The following ABI1 variants were observed in gnomAD, a reference collection of about 807,000 sequenced individuals.
The protein encoded by ABI1 is Abelson interactor 1.
In ABI1, 14 loss-of-function variants were observed where a neutral mutation model predicts 54.6. The observed-to-expected ratio is 0.26, with a 90% CI of 0.17 to 0.40. The LOEUF is 0.40. ABI1 is among the 10% of genes least tolerant of loss of function. ABI1 has a pLI of 1.00. For missense variants in ABI1, 443 were observed against 598.3 expected (o/e 0.74, Z 2.71); for synonymous variants, 194 against 209.3 (o/e 0.93, Z 0.63).
At chr10:26,799,557 C>A (rs11015292) in intron 2 of ABI1, among the ~76,000 whole-genome samples, 1 of 152,262 alleles carries the variant, frequency 6.6e-6, no homozygotes, top group Non-Finnish European at 1.5e-5. Flanking sequence ...GGGAAAAAAT[C>A]TAAAAATAGG....
At chr10:26,750,769 T>A (rs1470957731) in intron 10 of ABI1, among the ~76,000 whole-genome samples, 1 of 152,172 alleles carries the variant, frequency 6.6e-6, no homozygotes, top group Non-Finnish European at 1.5e-5. Flanking sequence ...AGCACAGAAC[T>A]GGATGAAAAA....
intron 1 of ABI1, among the ~76,000 whole-genome samples, chr10:26,837,838 T>C (rs113812530): frequency 0.23 from 33,211 of 142,316 alleles, 4,554 homozygotes; most frequent in South Asian, 0.41. Flanking sequence ...TGGTCTCAAA[T>C]TCCAGGCCTC....
chr10:26,775,423 T>C (rs1376069073), intron 3 of ABI1, among the ~76,000 whole-genome samples: 1 of 152,026 alleles, frequency 6.6e-6, no homozygotes, highest in Non-Finnish European at 1.5e-5. Flanking sequence ...GTCACAGAAC[T>C]ATACACCTAA....
At chr10:26,770,104 T>C (rs918252548) in intron 5 of ABI1, 141 bp downstream of exon 5, 9 of 643,208 alleles carry the variant, frequency 1.4e-5, no homozygotes, top group Admixed American at 8.4e-5. Flanking sequence ...TTCAGGAAAA[T>C]AGGAATTAAA....
chr10:26,833,831 C>G (rs1290594510), intron 1 of ABI1, among the ~76,000 whole-genome samples: 1 of 151,638 alleles, frequency 6.6e-6, no homozygotes, highest in Admixed American at 6.6e-5. Context: ...CATAAATGGC[C>G]AAATGCAAAA....
chr10:26,849,519 T>C (rs984327504), intron 1 of ABI1, among the ~76,000 whole-genome samples: 1 of 152,190 alleles, frequency 6.6e-6, no homozygotes, highest in Non-Finnish European at 1.5e-5. Context: ...GTGCAGTTTA[T>C]TTGCAAGCTG....
At chr10:26,762,516 G>T (rs753449604) in intron 7 of ABI1, among the ~76,000 whole-genome samples, 123 of 152,232 alleles carry the variant, frequency 8.1e-4, no homozygotes, top group Admixed American at 2.0e-3. Flanking sequence ...TCCACTCTTA[G>T]ACAACCCCAA....
chr10:26,775,461 T>A (rs1342437312), intron 3 of ABI1, among the ~76,000 whole-genome samples: 1 of 151,988 alleles, frequency 6.6e-6, no homozygotes, highest in Non-Finnish European at 1.5e-5. Flanking sequence ...ATGTTATGTG[T>A]ATCTCACCAC....
intron 1 of ABI1, among the ~76,000 whole-genome samples, chr10:26,826,806 T>C (rs879500139): frequency 2.6e-5 from 4 of 152,248 alleles, no homozygotes; most frequent in Non-Finnish European, 5.9e-5. Flanking sequence ...CAACTTTTCT[T>C]CTATAGCTTT....
chr10:26,856,759 T>C (rs2050851052), intron 1 of ABI1, among the ~76,000 whole-genome samples: 1 of 152,190 alleles, frequency 6.6e-6, no homozygotes, highest in Non-Finnish European at 1.5e-5. Flanking sequence ...TATGAAGACT[T>C]TTCTGTCCTT....
chr10:26,770,659 T>C lies in ABI1; in HGVS notation c.478-314A>G, dbSNP rs1840574813. On this transcript the variant is annotated intron_variant, in intron 4 of 10. Transcript: ENST00000376140. Reference sequence around the variant, plus strand: ...TCAAACACTGGGTTTCCTAAAATTTTTGAAATGTGTGCATGAACACAAACT... The same window carrying C: ...TCAAACACTGGGTTTCCTAAAATTTCTGAAATGTGTGCATGAACACAAACT... 1.4e-5 allele frequency: 8 copies of C among 578,310 alleles called. No individual in the cohort carries two copies. The Admixed American group carries it at 1.9e-4, about 14-fold the overall frequency. The allele number at this position is 578,310 out of a possible 1,614,324, so 35.8% of individuals were successfully genotyped here.
intron 2 of ABI1, among the ~76,000 whole-genome samples, chr10:26,817,156 C>T (rs765256286): frequency 1.7e-4 from 26 of 151,886 alleles, no homozygotes; most frequent in Non-Finnish European, 2.8e-4. Flanking sequence ...CCTGCTAGCA[C>T]GCCCGCCTAA....
intron 1 of ABI1, among the ~76,000 whole-genome samples, chr10:26,829,735 A>T (rs2048542792): frequency 6.6e-6 from 1 of 152,216 alleles, no homozygotes; most frequent in Non-Finnish European, 1.5e-5. Flanking sequence ...TTAAGACTTC[A>T]TAACAATATT....
chr10:26,807,705 G>A (rs1391469980), intron 2 of ABI1, among the ~76,000 whole-genome samples: 1 of 152,120 alleles, frequency 6.6e-6, no homozygotes, highest in Non-Finnish European at 1.5e-5. Flanking sequence ...CAGCTGTTGT[G>A]GTCACCATGA....
At chr10:26,775,091 CTA>C (rs1399045410) in intron 3 of ABI1, among the ~76,000 whole-genome samples, 1 of 152,142 alleles carries the variant, frequency 6.6e-6, no homozygotes, top group Non-Finnish European at 1.5e-5. Context: ...ACTTTTCCTT[CTA>C]ATAATTTTGG....
intron 2 of ABI1, among the ~76,000 whole-genome samples, chr10:26,820,174 A>C (rs1477669642): frequency 6.6e-6 from 1 of 152,236 alleles, no homozygotes; most frequent in Non-Finnish European, 1.5e-5. Context: ...AAAAGAGGAA[A>C]TCTTAAATGC....
intron 2 of ABI1, among the ~76,000 whole-genome samples, chr10:26,799,541 C>T (rs1382428156): frequency 6.6e-6 from 1 of 152,090 alleles, no homozygotes; most frequent in Non-Finnish European, 1.5e-5. Flanking sequence ...AGGAAACCAA[C>T]TGAAGGGGAA....
At chr10:26,842,207 C>T (rs2049571608) in intron 1 of ABI1, among the ~76,000 whole-genome samples, 3 of 152,230 alleles carry the variant, frequency 2.0e-5, no homozygotes, top group African/African-American at 7.2e-5. Context: ...TTTCATATAC[C>T]TGTCAGCCAT....
chr10:26,841,798 T>C (rs2049533267), intron 1 of ABI1, among the ~76,000 whole-genome samples: 1 of 152,222 alleles, frequency 6.6e-6, no homozygotes, highest in Admixed American at 6.5e-5. Context: ...AATATTCCAT[T>C]ATATATGCAT....
Sources: allele counts gnomAD v4.1 joint callset (sites outside exome capture counted in the v4.1 genomes callset), GRCh38; gene constraint gnomAD v4.1.1; transcripts MANE v1.5; gene names NCBI Gene and HGNC (gene_info 2026-07-23, HGNC 2026-07-21).